Variants in REV1 observed in about 807,000 individuals in gnomAD.
REV1 encodes the protein REV1 DNA directed polymerase, also known as translesion synthesis protein REV1.
In REV1, 42 loss-of-function variants were observed where a neutral mutation model predicts 137.4. That is an observed-to-expected ratio of 0.31 (90% CI 0.24 to 0.40). REV1 has a LOEUF of 0.40. Ranked by LOEUF, REV1 falls within the 10% of genes least tolerant of loss-of-function variation. REV1 has a pLI of 1.00. For synonymous variants in REV1, 524 were observed against 519.2 expected (o/e 1.01, Z -0.12); for missense variants, 1,282 against 1,490.1 (o/e 0.86, Z 2.30).
At chr2:99,475,597 T>C (rs999572443) in intron 1 of REV1, among the ~76,000 whole-genome samples, 1 of 152,108 alleles carries the variant, frequency 6.6e-6, no homozygotes, top group Non-Finnish European at 1.5e-5. Flanking sequence ...TGTACATGAT[T>C]CTGCGCTTGA....
chr2:99,445,767 T>G (rs971672402), intron 4 of REV1, among the ~76,000 whole-genome samples: 1 of 152,192 alleles, frequency 6.6e-6, no homozygotes, highest in African/African-American at 2.4e-5. Flanking sequence ...AGGCTCCTCA[T>G]GAAAGGATTC....
chr2:99,459,228 C>A (rs975075493), intron 3 of REV1, among the ~76,000 whole-genome samples: 4 of 149,918 alleles, frequency 2.7e-5, no homozygotes, highest in African/African-American at 9.8e-5. Flanking sequence ...AAAGAAAGAT[C>A]TTTGTAGTGT....
At chr2:99,469,089 T>C (rs1429721691) in intron 1 of REV1, among the ~76,000 whole-genome samples, 1 of 152,118 alleles carries the variant, frequency 6.6e-6, no homozygotes. Context: ...TGCAGAATCT[T>C]TGTGGGGCCA....
chr2:99,436,994 T>G (rs1329060213), intron 6 of REV1, among the ~76,000 whole-genome samples: 1 of 150,798 alleles, frequency 6.6e-6, no homozygotes, highest in Non-Finnish European at 1.5e-5. Flanking sequence ...TTTTTTGTTT[T>G]TTTTTTTTTT....
At chr2:99,463,456 T>C (rs894900140) in intron 2 of REV1, among the ~76,000 whole-genome samples, 5 of 151,520 alleles carry the variant, frequency 3.3e-5, no homozygotes, top group African/African-American at 9.7e-5. Flanking sequence ...AAGGTGGAGG[T>C]TGCAAACGAG....
chr2:99,489,551 C>T lies in REV1; in HGVS notation c.-11+266G>A, dbSNP rs1377182497. Among the ~76,000 whole-genome samples, 44 of 148,456 alleles carry T rather than the reference C, an allele frequency of 3.0e-4. 1 individual carries two copies. In the East Asian group the frequency reaches 3.8e-3, roughly 13 times the overall value. ...CCATGGGGCTGGCGGCGGCGCGGGG[C>T]CGGCCGCGCCATGACGGAAGGGAAG... is the stretch of plus-strand genomic sequence containing the variant. On this transcript the variant is annotated intron_variant, in intron 1 of 22. Coordinates refer to ENST00000258428, the MANE Select transcript of REV1 (RefSeq NM_016316.4).
intron 12 of REV1, 36 bp downstream of exon 12, chr2:99,418,792 C>G (rs748782234): frequency 6.3e-7 from 1 of 1,580,532 alleles, no homozygotes. Context: ...CTTGTAATGC[C>G]TGTAATAAAA....
chr2:99,403,870 G>A, intron 18 of REV1, 55 bp from the exon 19 acceptor site: 1 of 1,591,020 alleles, frequency 6.3e-7, no homozygotes, highest in Non-Finnish European at 8.6e-7. Context: ...GATGGTAGCT[G>A]GTTTCTCTTT....
At chr2:99,445,604 T>A (rs1345080225) in intron 4 of REV1, among the ~76,000 whole-genome samples, 2 of 152,230 alleles carry the variant, frequency 1.3e-5, no homozygotes, top group African/African-American at 4.8e-5. Flanking sequence ...CAGCTTCTCA[T>A]CTATTCCACA....
intron 3 of REV1, among the ~76,000 whole-genome samples, chr2:99,460,586 A>G (rs933319881): frequency 1.3e-5 from 2 of 152,200 alleles, no homozygotes; most frequent in Non-Finnish European, 2.9e-5. Context: ...TTACATCTAA[A>G]GAGTTATTTT....
intron 1 of REV1, among the ~76,000 whole-genome samples, chr2:99,471,281 T>C (rs1559406364): frequency 6.6e-6 from 1 of 152,340 alleles, no homozygotes; most frequent in Non-Finnish European, 1.5e-5. Context: ...GCTTAAGGTA[T>C]GATCCAACCC....
intron 3 of REV1, among the ~76,000 whole-genome samples, chr2:99,453,757 G>T (rs150879117): frequency 0.012 from 1,823 of 151,922 alleles, 21 homozygotes; most frequent in Non-Finnish European, 0.016. Flanking sequence ...GCTGGGCATG[G>T]TAACACGCGC....
intron 6 of REV1, among the ~76,000 whole-genome samples, chr2:99,437,817 T>C (rs932159402): frequency 1.3e-5 from 2 of 152,140 alleles, no homozygotes; most frequent in African/African-American, 4.8e-5. Flanking sequence ...AAAGCATTTT[T>C]TGACTAAAAG....
rs189959898 is a variant in REV1, at chr2:99,426,897, T to C, written c.1548-2617A>G. On this transcript the variant is annotated intron_variant, in intron 9 of 22. Transcript: ENST00000258428. ...TGTTGGATTCAACAATATTAAAAAA[T>C]TGCTGGCCGGGTGCGGTGGCTCACT... Among the ~76,000 whole-genome samples, 609 of 152,214 alleles carry C rather than the reference T, an allele frequency of 4.0e-3. 6 individuals are homozygous for C. Among genetic ancestry groups the C allele is most frequent in the African/African-American group, 0.014 (582 of 41,540 alleles).
Position 99,459,036 on chromosome 2 carries a change from G to A in REV1, c.181+3460C>T, listed in dbSNP as rs982823389. 8.5e-5 allele frequency among the ~76,000 whole-genome samples: 13 copies of A among 152,094 alleles called. No individual in the cohort carries two copies. The East Asian group carries it at 9.7e-4, about 11-fold the overall frequency. ...ATACTGGCTAACACGGTGAAACCCC[G>A]TCTCTACTAAAAATACAAAAAATTA... On this transcript the variant is annotated intron_variant, in intron 3 of 22. Coordinates refer to ENST00000258428, the MANE Select transcript of REV1 (RefSeq NM_016316.4).
At chr2:99,469,972 T>C (rs184985637) in intron 1 of REV1, among the ~76,000 whole-genome samples, 1 of 151,932 alleles carries the variant, frequency 6.6e-6, no homozygotes, top group Non-Finnish European at 1.5e-5. Flanking sequence ...ATACAAAAAA[T>C]TAGCCGGGCA....
intron 3 of REV1, among the ~76,000 whole-genome samples, chr2:99,458,990 C>T (rs550077347): frequency 3.3e-4 from 50 of 152,080 alleles, no homozygotes; most frequent in South Asian, 2.1e-3. Flanking sequence ...GGGCAGATCA[C>T]GAGGTCAGGA....
intron 4 of REV1, among the ~76,000 whole-genome samples, chr2:99,446,134 C>T (rs1458847182): frequency 6.6e-6 from 1 of 152,184 alleles, no homozygotes; most frequent in Non-Finnish European, 1.5e-5. Context: ...TATGCCAACA[C>T]TGATCCATTT....
At chr2:99,427,795 T>C (rs1679577695) in intron 9 of REV1, among the ~76,000 whole-genome samples, 1 of 152,094 alleles carries the variant, frequency 6.6e-6, no homozygotes. Context: ...CAAGTTAAAT[T>C]CATTTTCATC....
Sources: allele counts gnomAD v4.1 joint callset (sites outside exome capture counted in the v4.1 genomes callset), GRCh38; gene constraint gnomAD v4.1.1; transcripts MANE v1.5; gene names NCBI Gene and HGNC (gene_info 2026-07-23, HGNC 2026-07-21).